RTL4: variants seen among roughly 807,000 people sequenced by gnomAD.
The protein encoded by RTL4 is retrotransposon Gag like 4.
A neutral mutation model predicts 5.3 loss-of-function variants in RTL4; 4 were observed. The ratio of observed to expected loss-of-function variants is 0.75; its 90% confidence interval spans 0.37 to 1.72. The LOEUF is 1.72. Among genes scored for constraint, RTL4 ranks in the 40% most tolerant of loss-of-function variants. The pLI is 0.04. For missense variants in RTL4, 260 were observed against 227.1 expected (o/e 1.14, Z -0.93); for synonymous variants, 98 against 87.3 (o/e 1.12, Z -0.68).
the RTL4 span, among the ~76,000 whole-genome samples, chrX:112,285,035 GC>G: frequency 9.8e-5 from 11 of 111,858 alleles, no homozygotes; most frequent in Non-Finnish European, 1.9e-4. Context: ...CAATATTAAT[GC>G]TTTCATTCCT....
chrX:112,212,047 A>G, the RTL4 span, among the ~76,000 whole-genome samples: 1 of 112,241 alleles, frequency 8.9e-6, no homozygotes, highest in Non-Finnish European at 1.9e-5. Context: ...AGGGATAACA[A>G]TAGTACCTTC....
chrX:112,213,320 A>C, the RTL4 span, among the ~76,000 whole-genome samples: 1 of 112,858 alleles, frequency 8.9e-6, no homozygotes, highest in East Asian at 2.8e-4. Context: ...GATTATGGGG[A>C]AGATTAAATG....
chrX:112,304,922 G>A, the RTL4 span, among the ~76,000 whole-genome samples: 5 of 108,669 alleles, frequency 4.6e-5, no homozygotes, highest in Non-Finnish European at 7.6e-5. Flanking sequence ...TAAGAGACCC[G>A]ACCATCACCA....
At chrX:112,140,712 A>G in the RTL4 span, among the ~76,000 whole-genome samples, 5,329 of 111,523 alleles carry the variant, frequency 0.048, 292 homozygotes, top group African/African-American at 0.15. Flanking sequence ...ATACTATCAC[A>G]CTGGGGATTT....
chrX:112,098,680 T>C, the RTL4 span, among the ~76,000 whole-genome samples: 8,066 of 111,358 alleles, frequency 0.072, 562 homozygotes, highest in African/African-American at 0.21. Context: ...TATCTCATTG[T>C]GGTTTTGATT....
At chrX:112,426,000 C>A in the RTL4 span, among the ~76,000 whole-genome samples, 3 of 111,687 alleles carry the variant, frequency 2.7e-5, no homozygotes, top group Non-Finnish European at 3.8e-5. Flanking sequence ...CTAAAGTCAT[C>A]GCCATATCCA....
chrX:112,406,560 C>G, the RTL4 span, among the ~76,000 whole-genome samples: 2 of 111,319 alleles, frequency 1.8e-5, no homozygotes, highest in African/African-American at 3.3e-5. Context: ...ACCATGCCCC[C>G]CCTCCAACAC....
the RTL4 span, among the ~76,000 whole-genome samples, chrX:112,347,141 C>T: frequency 9.0e-6 from 1 of 111,680 alleles, no homozygotes; most frequent in Non-Finnish European, 1.9e-5. Context: ...ATTTCTTCCT[C>T]TCCAAATAGA....
chrX:112,153,081 C>T, the RTL4 span, among the ~76,000 whole-genome samples: 3 of 111,738 alleles, frequency 2.7e-5, no homozygotes, highest in Non-Finnish European at 5.7e-5. Flanking sequence ...ATTTTCTGCC[C>T]TCTATTTTGA....
chrX:112,220,401 G>C, the RTL4 span, among the ~76,000 whole-genome samples: 8 of 112,729 alleles, frequency 7.1e-5, no homozygotes, highest in Non-Finnish European at 9.4e-5. Context: ...GCACACAGTA[G>C]GGGGCCCTGG....
At chrX:112,370,519 T>C in the RTL4 span, among the ~76,000 whole-genome samples, 1 of 111,821 alleles carries the variant, frequency 8.9e-6, no homozygotes. Flanking sequence ...GACATTTTTA[T>C]CTGCATAATT....
At chrX:112,257,869 CTG>C in the RTL4 span, among the ~76,000 whole-genome samples, 13 of 88,769 alleles carry the variant, frequency 1.5e-4, no homozygotes, top group Admixed American at 3.5e-4. Context: ...TAGCTCAAAA[CTG>C]TGTATATATA....
the RTL4 span, among the ~76,000 whole-genome samples, chrX:112,210,784 T>G: frequency 1.8e-5 from 2 of 112,368 alleles, no homozygotes; most frequent in Admixed American, 9.4e-5. Flanking sequence ...GCCTTAGATT[T>G]TTTTAGCTCT....
the RTL4 span, among the ~76,000 whole-genome samples, chrX:112,276,159 C>T: frequency 8.9e-6 from 1 of 111,944 alleles, no homozygotes; most frequent in Non-Finnish European, 1.9e-5. Context: ...ACCACTCAAC[C>T]TTTTGACAGC....
chrX:112,404,277 A>C, the RTL4 span, among the ~76,000 whole-genome samples: 1 of 112,146 alleles, frequency 8.9e-6, no homozygotes, highest in Non-Finnish European at 1.9e-5. Flanking sequence ...AATGAAACTG[A>C]TATTTTATAC....
chrX:112,120,572 C>T, the RTL4 span, among the ~76,000 whole-genome samples: 2 of 99,231 alleles, frequency 2.0e-5, no homozygotes, highest in Non-Finnish European at 3.9e-5. Flanking sequence ...CCACCACGCC[C>T]GGCTGGGGTT....
chrX:112,190,270 T>C, the RTL4 span, among the ~76,000 whole-genome samples: 1 of 109,503 alleles, frequency 9.1e-6, no homozygotes, highest in Admixed American at 9.9e-5. Context: ...TAAATGTTTA[T>C]TTATTAAACT....
chrX:112,339,539 T>C, the RTL4 span, among the ~76,000 whole-genome samples: 1 of 112,337 alleles, frequency 8.9e-6, no homozygotes, highest in Non-Finnish European at 1.9e-5. Context: ...AGAAAGTGTC[T>C]TGAATGTTAG....
the RTL4 span, among the ~76,000 whole-genome samples, chrX:112,394,784 C>T: frequency 9.0e-6 from 1 of 111,579 alleles, no homozygotes; most frequent in South Asian, 3.7e-4. Flanking sequence ...ATAAGATTTC[C>T]CCATTACCCA....
Sources: allele counts gnomAD v4.1 joint callset (sites outside exome capture counted in the v4.1 genomes callset), GRCh38; gene constraint gnomAD v4.1.1; transcripts MANE v1.5; gene names NCBI Gene and HGNC (gene_info 2026-07-23, HGNC 2026-07-21).